STXBP4: variants seen among roughly 807,000 people sequenced by gnomAD.
STXBP4 encodes syntaxin-binding protein 4.
Under a neutral mutation model 76.1 loss-of-function variants are expected in STXBP4, and 55 were observed. That is an observed-to-expected ratio of 0.72 (90% confidence interval 0.58 to 0.91). STXBP4 has a LOEUF of 0.91. Ranked by LOEUF, STXBP4 falls within the 40% of genes least tolerant of loss-of-function variation. STXBP4 has a pLI of 0.00. For synonymous variants in STXBP4, 201 were observed against 220.2 expected (o/e 0.91, Z 0.77); for missense variants, 618 against 636.9 (o/e 0.97, Z 0.32).
intron 10 of STXBP4, among the ~76,000 whole-genome samples, chr17:55,039,859 G>A (rs1358348334): frequency 6.6e-6 from 1 of 152,134 alleles, no homozygotes; most frequent in Admixed American, 6.5e-5. Flanking sequence ...ATGACAGATT[G>A]TGTTTTAGAG....
chr17:55,034,230 C>T lies in STXBP4; in HGVS notation c.826C>T (p.His276Tyr). 1 of 1,611,850 alleles carries T rather than the reference C, an allele frequency of 6.2e-7. No homozygotes were observed. The highest frequency in any genetic ancestry group is 2.2e-5 in the East Asian group (1 of 44,770). ...GTTGGATGAAGTAAATGTTGGTGCACATGAAATTTCCAATATATTAGATTC... is the reference window on the plus strand; with the variant it reads ...GTTGGATGAAGTAAATGTTGGTGCATATGAAATTTCCAATATATTAGATTC... ...LQLDEVNVGAHEISNILDSQL... is the reference protein window; with the variant it reads ...LQLDEVNVGAYEISNILDSQL... The change falls in exon 10 of 18, where the codon CAT becomes TAT. Residue 276 changes from histidine (H) to tyrosine (Y), a missense_variant. His to Tyr is a moderately conservative substitution (Grantham distance 83). Transcript: ENST00000376352.
At chr17:55,178,048 G>A (rs1460540757), downstream of STXBP4, among the ~76,000 whole-genome samples, 1 of 152,118 alleles carries the variant, frequency 6.6e-6, no homozygotes, top group South Asian at 2.1e-4. Flanking sequence ...CATTTTTCCC[G>A]AGGATAACAT....
chr17:55,152,546 C>A (rs1473551227), intron 17 of STXBP4, among the ~76,000 whole-genome samples: 1 of 152,134 alleles, frequency 6.6e-6, no homozygotes, highest in Non-Finnish European at 1.5e-5. Flanking sequence ...AGGCCTCCCG[C>A]AACTTACAAT....
chr17:55,122,448 AG>A (rs1241094430), intron 16 of STXBP4, among the ~76,000 whole-genome samples: 13 of 152,364 alleles, frequency 8.5e-5, no homozygotes, highest in African/African-American at 3.1e-4. Context: ...GAAAAGAAAG[AG>A]TAACTCTAGG....
At chr17:54,979,660 C>T (rs1052347185) in intron 1 of STXBP4, among the ~76,000 whole-genome samples, 2 of 152,144 alleles carry the variant, frequency 1.3e-5, no homozygotes, top group South Asian at 4.1e-4. Context: ...TTTAGTGTAT[C>T]TTTAGAGACC....
At chr17:55,067,953 T>C (rs2079074062) in intron 12 of STXBP4, among the ~76,000 whole-genome samples, 1 of 152,104 alleles carries the variant, frequency 6.6e-6, no homozygotes, top group African/African-American at 2.4e-5. Context: ...AGAGGTCTGT[T>C]AAAAAGTTCT....
At chr17:55,147,385 A>G (rs2080169253) in intron 17 of STXBP4, among the ~76,000 whole-genome samples, 1 of 152,226 alleles carries the variant, frequency 6.6e-6, no homozygotes, top group South Asian at 2.1e-4. Context: ...GGCAGAGCTC[A>G]GGCAGTAGTA....
chr17:55,211,102 C>A, the STXBP4 span, among the ~76,000 whole-genome samples: 3 of 152,164 alleles, frequency 2.0e-5, no homozygotes, highest in South Asian at 4.1e-4. Context: ...TGCCCCCCCC[C>A]ATGAAATTTG....
At chr17:55,041,691 G>T (rs571382532) in intron 10 of STXBP4, among the ~76,000 whole-genome samples, 37 of 152,196 alleles carry the variant, frequency 2.4e-4, no homozygotes, top group African/African-American at 8.4e-4. Flanking sequence ...GAGGTTGGGG[G>T]TTTGTAGTAT....
intron 8 of STXBP4, among the ~76,000 whole-genome samples, chr17:55,012,708 T>C (rs1313811939): frequency 1.3e-5 from 2 of 152,192 alleles, no homozygotes; most frequent in Non-Finnish European, 2.9e-5. Context: ...TAAGCACTAG[T>C]TCCTGGAGTG....
chr17:55,068,189 A>G (rs1480222964), intron 12 of STXBP4, among the ~76,000 whole-genome samples: 4 of 152,150 alleles, frequency 2.6e-5, no homozygotes, highest in Non-Finnish European at 5.9e-5. Flanking sequence ...ACAAGCTGTA[A>G]TAGTACCAAG....
At chr17:55,024,329 T>C (rs2078374288) in intron 8 of STXBP4, among the ~76,000 whole-genome samples, 1 of 152,248 alleles carries the variant, frequency 6.6e-6, no homozygotes, top group Non-Finnish European at 1.5e-5. Context: ...AATGCAGTAG[T>C]AGTCAGAGCT....
At chr17:55,027,674 T>C (rs73323241) in intron 8 of STXBP4, among the ~76,000 whole-genome samples, 5,803 of 152,260 alleles carry the variant, frequency 0.038, 391 homozygotes, top group African/African-American at 0.13. Flanking sequence ...AGCATTTTTA[T>C]GAAGCTAAAA....
At chr17:55,006,017 ATG>A (rs968230502) in intron 7 of STXBP4, among the ~76,000 whole-genome samples, 1 of 152,026 alleles carries the variant, frequency 6.6e-6, no homozygotes, top group African/African-American at 2.4e-5. Context: ...ATATATGTAT[ATG>A]TGTGTGTATA....
downstream of STXBP4, among the ~76,000 whole-genome samples, chr17:55,176,277 TG>T (rs2080430572): frequency 6.6e-6 from 1 of 151,708 alleles, no homozygotes; most frequent in African/African-American, 2.4e-5. Context: ...CAGGAAAGAG[TG>T]GTCTGCGAGG....
intron 16 of STXBP4, among the ~76,000 whole-genome samples, chr17:55,104,261 T>A (rs1367978761): frequency 6.6e-6 from 1 of 152,180 alleles, no homozygotes; most frequent in Non-Finnish European, 1.5e-5. Context: ...TGGCTGTGGG[T>A]CTGTCATAAA....
intron 10 of STXBP4, among the ~76,000 whole-genome samples, chr17:55,041,258 G>T (rs560628334): frequency 7.2e-6 from 1 of 139,834 alleles, no homozygotes; most frequent in Admixed American, 7.3e-5. Context: ...TTGAGACATG[G>T]TCTCACCCTG....
intron 15 of STXBP4, among the ~76,000 whole-genome samples, chr17:55,080,145 CTATT>C (rs2144907855): frequency 6.6e-6 from 1 of 152,234 alleles, no homozygotes; most frequent in South Asian, 2.1e-4. Flanking sequence ...GTTAAAATGA[CTATT>C]TAAAAGCCAG....
chr17:55,130,958 G>A (rs2079967424), intron 16 of STXBP4, among the ~76,000 whole-genome samples: 1 of 152,152 alleles, frequency 6.6e-6, no homozygotes, highest in Admixed American at 6.5e-5. Flanking sequence ...TTGGCTATTG[G>A]GAGTAATGCC....
Sources: gnomAD v4.1 joint callset for allele counts (sites outside exome capture counted in the v4.1 genomes callset) on GRCh38, gnomAD v4.1.1 for gene constraint, MANE v1.5 for transcripts, NCBI Gene and HGNC (gene_info 2026-07-23, HGNC 2026-07-21) for gene names.